The following SH3GLB1 variants were observed in gnomAD, a reference collection of about 807,000 sequenced individuals.
SH3GLB1 encodes endophilin-B1.
In SH3GLB1, 17 loss-of-function variants were observed where a neutral mutation model predicts 42.0. That is an observed-to-expected ratio of 0.40 (90% CI 0.28 to 0.61). The LOEUF is 0.61. SH3GLB1 is among the 20% of genes least tolerant of loss of function. The probability of loss-of-function intolerance (pLI) is 0.36; values close to 1 mark genes in which losing one functional copy is unlikely to be tolerated. For missense variants in SH3GLB1, 355 were observed against 426.3 expected (o/e 0.83, Z 1.47); for synonymous variants, 132 against 146.6 (o/e 0.90, Z 0.72).
intron 1 of SH3GLB1, among the ~76,000 whole-genome samples, chr1:86,711,516 T>C (rs796891986): frequency 6.6e-6 from 1 of 152,144 alleles, no homozygotes; most frequent in South Asian, 2.1e-4. Flanking sequence ...AAGATGCTTA[T>C]TTACAGTTTG....
intron 5 of SH3GLB1, among the ~76,000 whole-genome samples, chr1:86,732,099 G>C (rs1655541022): frequency 6.6e-6 from 1 of 152,130 alleles, no homozygotes; most frequent in African/African-American, 2.4e-5. Flanking sequence ...TAAATGTTAA[G>C]ACTTTACATT....
At position 86,742,451 on chromosome 1, in the gene SH3GLB1, T is replaced by A. The variant is rs745318684; in HGVS notation, c.990+15T>A. On this transcript the variant is annotated intron_variant, in intron 8 of 8. Coordinates refer to ENST00000370558, the MANE Select transcript of SH3GLB1 (RefSeq NM_016009.5). ...TGGCAGATGAGGTGAGTATTGTGGG[T>A]ATGAGAAGGAAAATATATCACGAAT... 2.5e-6 allele frequency: 4 copies of A among 1,588,250 alleles called. No homozygotes were observed. In the East Asian group the frequency reaches 9.0e-5, roughly 36 times the overall value.
chr1:86,724,487 C>T (rs2101950125), intron 5 of SH3GLB1, 82 bp downstream of exon 5: 1 of 1,089,258 alleles, frequency 9.2e-7, no homozygotes, highest in Non-Finnish European at 1.3e-6. Flanking sequence ...AAGATACAGA[C>T]TATTAACTTT....
At position 86,704,905 on chromosome 1, in the gene SH3GLB1, T is replaced by G; in HGVS notation, c.6T>G (p.Asn2Lys). ...CCGCCCGGCTGCCGCCTAGGATGAA[T>G]ATCATGGACTTCAACGTGAAGAAGC... is the stretch of plus-strand genomic sequence containing the variant. M[N>K]IMDFNVKKLA... Residue 2 changes from asparagine to lysine, a missense_variant, in exon 1 of 9, where the codon AAT becomes AAG. By Grantham distance (94) the Asn-to-Lys change is moderately conservative. Transcript: ENST00000370558. The G allele has an allele frequency of 1.3e-6, 2 of 1,581,038 alleles. No homozygotes were observed. The highest frequency in any genetic ancestry group is 1.7e-6 in the Non-Finnish European group (2 of 1,166,194).
intron 5 of SH3GLB1, among the ~76,000 whole-genome samples, chr1:86,727,869 C>G (rs1011785488): frequency 7.5e-4 from 114 of 152,008 alleles, no homozygotes; most frequent in African/African-American, 2.7e-3. Context: ...AATCTTTAAT[C>G]TGTAAACTCA....
chr1:86,742,150 G>A (rs1656089089), intron 7 of SH3GLB1, 58 bp from the exon 8 acceptor site: 1 of 1,280,524 alleles, frequency 7.8e-7, no homozygotes, highest in Admixed American at 1.7e-5. Flanking sequence ...ACCGAGTGGT[G>A]GTATTAAGGA....
Position 86,715,880 on chromosome 1 carries a change from C to T in SH3GLB1, c.214+15C>T. The stretch of plus-strand genomic sequence containing the variant: ...GCCAAATCCAAGTAAGAAACTCTAC[C>T]TCTTGTGTACCTTAAGTACTATTAG... On this transcript the variant is annotated intron_variant, in intron 2 of 8. Transcript: ENST00000370558. The T allele has an allele frequency of 1.2e-6, 2 of 1,600,698 alleles. No individual in the cohort carries two copies. Among genetic ancestry groups the T allele is most frequent in the Non-Finnish European group, 1.7e-6 (2 of 1,177,060 alleles).
At chr1:86,737,389 G>A (rs551754314) in intron 7 of SH3GLB1, among the ~76,000 whole-genome samples, 95 of 152,164 alleles carry the variant, frequency 6.2e-4, no homozygotes, top group African/African-American at 2.2e-3. Flanking sequence ...TAGTAGATTT[G>A]GAAGTAAAAT....
At chr1:86,707,476 G>A (rs559799530) in intron 1 of SH3GLB1, among the ~76,000 whole-genome samples, 7 of 152,238 alleles carry the variant, frequency 4.6e-5, no homozygotes, top group Admixed American at 4.6e-4. Flanking sequence ...TGAGGTATGA[G>A]AGAAAGATGA....
At position 86,715,857 on chromosome 1, in the gene SH3GLB1, C is replaced by T. The variant is rs1654492017; in HGVS notation, c.206C>T (p.Pro69Leu). Residue 69 changes from proline to leucine, a missense_variant, in exon 2 of 9, where the codon CCA (proline) becomes CTA (leucine). By Grantham distance (98) the Pro-to-Leu change is moderately conservative. Coordinates refer to ENST00000370558, the MANE Select transcript of SH3GLB1 (RefSeq NM_016009.5). Reference sequence around the variant, plus strand: ...AAACAAACTGAAGTGTTATTGCAGCCAAATCCAAGTAAGAAACTCTACCTC... The same window carrying T: ...AAACAAACTGAAGTGTTATTGCAGCTAAATCCAAGTAAGAAACTCTACCTC... ...IMKQTEVLLQ[P>L]NPNARIEEFV... The T allele has an allele frequency of 6.2e-7, 1 of 1,607,652 alleles. No individual in the cohort carries two copies. The highest frequency in any genetic ancestry group is 1.7e-5 in the Admixed American group (1 of 57,974).
At chr1:86,716,431 C>T (rs1239996597) in intron 2 of SH3GLB1, among the ~76,000 whole-genome samples, 2 of 152,036 alleles carry the variant, frequency 1.3e-5, no homozygotes, top group Admixed American at 6.6e-5. Flanking sequence ...TGTGCCACCA[C>T]GCCCAGCTAA....
intron 5 of SH3GLB1, among the ~76,000 whole-genome samples, chr1:86,732,934 C>G (rs556099705): frequency 6.6e-6 from 1 of 152,060 alleles, no homozygotes; most frequent in Non-Finnish European, 1.5e-5. Context: ...TGGAACTAAC[C>G]TAGTTTATTT....
At chr1:86,728,660 A>G (rs1051807545) in intron 5 of SH3GLB1, among the ~76,000 whole-genome samples, 1 of 152,192 alleles carries the variant, frequency 6.6e-6, no homozygotes, top group Non-Finnish European at 1.5e-5. Flanking sequence ...AAGAAATTGT[A>G]TGTTCTGATT....
intron 1 of SH3GLB1, 68 bp from the exon 2 acceptor site, chr1:86,715,656 A>G: frequency 6.8e-7 from 1 of 1,468,794 alleles, no homozygotes; most frequent in Non-Finnish European, 9.1e-7. Context: ...TTTGCTTTTT[A>G]CTTATTGATA....
In SH3GLB1 at chr1:86,707,611, T is replaced by G. The variant is rs74735751; in HGVS notation, c.72+2640T>G. 2.3e-3 allele frequency among the ~76,000 whole-genome samples: 352 copies of G among 152,178 alleles called. 3 individuals carry two copies. The highest frequency in any genetic ancestry group is 8.0e-3 in the African/African-American group (334 of 41,518). Reference sequence around the variant, plus strand: ...ATACTGAAATGTTTATGGATAAACTTATATCATATCTGAGATTTGGTTTTT... The same window carrying G: ...ATACTGAAATGTTTATGGATAAACTGATATCATATCTGAGATTTGGTTTTT... On this transcript the variant is annotated intron_variant, in intron 1 of 8. Transcript: ENST00000370558.
intron 5 of SH3GLB1, among the ~76,000 whole-genome samples, chr1:86,731,571 A>C (rs947950418): frequency 6.6e-6 from 1 of 152,208 alleles, no homozygotes; most frequent in Admixed American, 6.5e-5. Flanking sequence ...CAAAAAAACT[A>C]GAATGTCTTC....
At chr1:86,705,644 C>T (rs1309868831) in intron 1 of SH3GLB1, among the ~76,000 whole-genome samples, 5 of 152,166 alleles carry the variant, frequency 3.3e-5, no homozygotes, top group Non-Finnish European at 7.3e-5. Context: ...ATTGTTATGG[C>T]TGTAGTCACA....
At chr1:86,720,936 G>C (rs145802437) in intron 3 of SH3GLB1, among the ~76,000 whole-genome samples, 32 of 152,200 alleles carry the variant, frequency 2.1e-4, no homozygotes, top group African/African-American at 7.5e-4. Flanking sequence ...GAATTTTACT[G>C]TTAATTTTTA....
At position 86,734,624 on chromosome 1, in the gene SH3GLB1, C is replaced by T. The variant is rs1655688325; in HGVS notation, c.593C>T (p.Thr198Ile). Reference sequence around the variant, plus strand: ...AAGTCTGAACAGGAATTAAGAATAACTCAAAGTGAATTTGATCGTCAAGCA... The same window carrying T: ...AAGTCTGAACAGGAATTAAGAATAATTCAAAGTGAATTTGATCGTCAAGCA... ...RNSSEQELRI[T>I]QSEFDRQAEI... The change falls in exon 6 of 9, where the codon ACT (threonine) becomes ATT (isoleucine). Residue 198 changes from threonine to isoleucine, a missense_variant. Coordinates refer to ENST00000370558, the MANE Select transcript of SH3GLB1 (RefSeq NM_016009.5). The T allele has an allele frequency of 1.9e-6, 3 of 1,612,614 alleles. No individual in the cohort carries two copies. Among genetic ancestry groups the T allele is most frequent in the Non-Finnish European group, 8.5e-7 (1 of 1,179,020 alleles).
Sources: gnomAD v4.1 joint callset for allele counts (sites outside exome capture counted in the v4.1 genomes callset) on GRCh38, gnomAD v4.1.1 for gene constraint, MANE v1.5 for transcripts, NCBI Gene and HGNC (gene_info 2026-07-23, HGNC 2026-07-21) for gene names.